Variants in CASQ1 observed in about 807,000 individuals in gnomAD.
CASQ1 encodes calsequestrin-1.
In CASQ1, 40 loss-of-function variants were observed where a neutral mutation model predicts 49.5. The observed-to-expected ratio is 0.81, with a 90% CI of 0.63 to 1.05. The LOEUF is 1.05. CASQ1 is among the 50% of genes least tolerant of loss of function. The probability of loss-of-function intolerance (pLI) is 0.00; values close to 1 mark genes in which losing one functional copy is unlikely to be tolerated. For missense variants in CASQ1, 469 were observed against 486.9 expected, an observed-to-expected ratio of 0.96 and a Z score of 0.35; for synonymous variants, 174 against 187.2, an observed-to-expected ratio of 0.93 and a Z score of 0.58.
intron 7 of CASQ1, 103 bp downstream of exon 7, chr1:160,197,717 G>A: frequency 1.2e-6 from 1 of 833,550 alleles, no homozygotes; most frequent in Non-Finnish European, 2.1e-6. Flanking sequence ...CCCATTTTTA[G>A]AAAAAACAGT....
At position 160,190,748 on chromosome 1, in the gene CASQ1, CT is replaced by C; in HGVS notation, c.-3del. On this transcript the variant is annotated 5_prime_UTR_variant, in exon 1 of 11. Transcript: ENST00000368078. The stretch of plus-strand genomic sequence containing the variant: ...GGAGAGCCAACCCAGATCCCACTAC[CT>C]CCATGAGTGCTACAGACAGGATGGG... 6.2e-7 allele frequency: 1 copy of C among 1,612,724 alleles called. No individual in the cohort carries two copies. Among genetic ancestry groups the C allele is most frequent in the Non-Finnish European group, 8.5e-7 (1 of 1,178,970 alleles).
rs1423786832 is a variant in CASQ1, at chr1:160,201,685, A to G, written c.*309A>G. 9.6e-6 allele frequency: 4 copies of G among 418,128 alleles called. No individual in the cohort carries two copies. The highest frequency in any genetic ancestry group is 1.8e-5 in the Non-Finnish European group (4 of 224,524). The allele number at this position is 418,128 out of a possible 1,614,324, so 25.9% of individuals were successfully genotyped here. A position where few individuals can be genotyped will look rare whatever the true frequency, so the allele number is the denominator to read the frequency against. On this transcript the variant is annotated 3_prime_UTR_variant, in exon 11 of 11. Transcript: ENST00000368078. ...TCTTGTGATTCTCCTCTAGCCATAT[A>G]TATGGGCCCCATCTCTGTTCTGTTC...
At chr1:160,196,076 T>C in intron 6 of CASQ1, 49 bp downstream of exon 6, 1 of 1,589,950 alleles carries the variant, frequency 6.3e-7, no homozygotes, top group Non-Finnish European at 8.6e-7. Context: ...CTCCTTGGGC[T>C]AGAACACACT....
intron 1 of CASQ1, 100 bp downstream of exon 1, chr1:160,191,130 T>A: frequency 7.7e-7 from 1 of 1,294,548 alleles, no homozygotes; most frequent in Non-Finnish European, 1.1e-6. Flanking sequence ...GATCTGGGGG[T>A]GAGGGGCAGT....
chr1:160,198,738 G>A lies in CASQ1; in HGVS notation c.883+7G>A, dbSNP rs1178296781. 1 of 1,612,594 alleles carries A rather than the reference G, an allele frequency of 6.2e-7. No individual in the cohort carries two copies. Among genetic ancestry groups the A allele is most frequent in the Non-Finnish European group, 8.5e-7 (1 of 1,178,612 alleles). On this transcript the variant is annotated splice_region_variant and intron_variant, in intron 8 of 10. Transcript: ENST00000368078. ...GCAGAGGAAGCTGATCCTGGTGAGG[G>A]AGGAATACCGGGTTGGACTGGAGGG... is the stretch of plus-strand genomic sequence containing the variant.
At chr1:160,198,881 C>T (rs1305415843) in intron 8 of CASQ1, 72 bp from the exon 9 acceptor site, 2 of 1,165,664 alleles carry the variant, frequency 1.7e-6, no homozygotes, top group Non-Finnish European at 2.6e-6. Context: ...GGAGGTAGCT[C>T]TGCACTCCTG....
chr1:160,195,006 T>A lies in CASQ1; in HGVS notation c.466-6T>A. 3 of 1,565,212 alleles carry A rather than the reference T, an allele frequency of 1.9e-6. No individual in the cohort carries two copies. The highest frequency in any genetic ancestry group is 2.6e-6 in the Non-Finnish European group (3 of 1,145,720). Reference sequence around the variant, plus strand: ...ACTCTCTTCCTGCAATGTCCTCCTCTTTCAGGTCCTAGAGGACCCTGTGGA... The same window carrying A: ...ACTCTCTTCCTGCAATGTCCTCCTCATTCAGGTCCTAGAGGACCCTGTGGA... On this transcript the variant is annotated splice_polypyrimidine_tract_variant and splice_region_variant and intron_variant, in intron 3 of 10. Coordinates refer to ENST00000368078, the MANE Select transcript of CASQ1 (RefSeq NM_001231.5).
intron 9 of CASQ1, 103 bp from the exon 10 acceptor site, chr1:160,199,748 G>A (rs772251251): frequency 7.9e-5 from 61 of 775,016 alleles, no homozygotes; most frequent in African/African-American, 4.6e-4. Flanking sequence ...CTGCCAGTTC[G>A]CACTGTCCCC....
At chr1:160,193,596 G>A in intron 2 of CASQ1, 151 bp from the exon 3 acceptor site, 1 of 572,676 alleles carries the variant, frequency 1.7e-6, no homozygotes, top group South Asian at 2.2e-5. Flanking sequence ...TGGGTCAGAG[G>A]AGGTGGGTGG....
intron 6 of CASQ1, 135 bp from the exon 7 acceptor site, chr1:160,197,434 G>T: frequency 1.3e-5 from 9 of 681,856 alleles, no homozygotes; most frequent in Non-Finnish European, 1.9e-5. Flanking sequence ...TTGAGGCCTT[G>T]CCAGATGGCT....
chr1:160,201,269 G>C lies in CASQ1; in HGVS notation c.1084G>C (p.Asp362His), dbSNP rs1654363806. Residue 362 changes from aspartate (D) to histidine (H), a missense_variant, in exon 11 of 11, where the codon GAC (aspartate) becomes CAC (histidine). Coordinates refer to ENST00000368078, the MANE Select transcript of CASQ1 (RefSeq NM_001231.5). ...GGCGGATAGCGTATGGATGGAAATG[G>C]ACGATGAGGAGGACCTGCCTTCTGC... ...TDADSVWMEM[D>H]DEEDLPSAEE... The C allele has an allele frequency of 6.2e-6, 10 of 1,613,396 alleles. No individual in the cohort carries two copies. Among genetic ancestry groups the C allele is most frequent in the Non-Finnish European group, 7.6e-6 (9 of 1,179,778 alleles).
intron 7 of CASQ1, among the ~76,000 whole-genome samples, 176 bp downstream of exon 7, chr1:160,197,790 G>T (rs920937668): frequency 6.6e-6 from 1 of 151,456 alleles, no homozygotes; most frequent in Non-Finnish European, 1.5e-5. Flanking sequence ...AGGCCAAGGT[G>T]GGTGGATCAC....
chr1:160,194,606 C>G (rs1435050078), intron 3 of CASQ1, among the ~76,000 whole-genome samples: 1 of 135,618 alleles, frequency 7.4e-6, no homozygotes, highest in Non-Finnish European at 1.6e-5. Flanking sequence ...CATGCACACA[C>G]CACATGCACA....
intron 7 of CASQ1, among the ~76,000 whole-genome samples, 160 bp from the exon 8 acceptor site, chr1:160,198,517 A>G (rs1292886356): frequency 6.6e-6 from 1 of 152,108 alleles, no homozygotes; most frequent in Non-Finnish European, 1.5e-5. Context: ...AACAAAAAAA[A>G]ACAAACCCCA....
chr1:160,197,449 T>C, intron 6 of CASQ1, 120 bp from the exon 7 acceptor site: 1 of 756,414 alleles, frequency 1.3e-6, no homozygotes, highest in Non-Finnish European at 2.4e-6. Context: ...ATGGCTTTGT[T>C]GTAGGCTACA....
chr1:160,195,459 A>C lies in CASQ1; in HGVS notation c.578-2A>C. 6.2e-7 allele frequency: 1 copy of C among 1,613,848 alleles called. No individual in the cohort carries two copies. The highest frequency in any genetic ancestry group is 8.5e-7 in the Non-Finnish European group (1 of 1,179,800). ...AGACTGACTCTGCATTCCACCCCCC[A>C]GATTACAAAGCCTTCGAGGATGCAG... On this transcript the variant is annotated splice_acceptor_variant, in intron 4 of 10. Coordinates refer to ENST00000368078, the MANE Select transcript of CASQ1 (RefSeq NM_001231.5). LOFTEE classifies it high-confidence loss of function.
chr1:160,194,605 A>G (rs111068261), intron 3 of CASQ1, among the ~76,000 whole-genome samples: 1 of 136,600 alleles, frequency 7.3e-6, no homozygotes, highest in Admixed American at 7.6e-5. Flanking sequence ...ACATGCACAC[A>G]CCACATGCAC....
At chr1:160,196,867 G>GGT (rs1288579703) in intron 6 of CASQ1, among the ~76,000 whole-genome samples, 4 of 152,184 alleles carry the variant, frequency 2.6e-5, no homozygotes, top group Admixed American at 2.6e-4. Flanking sequence ...GCCCTCCAAA[G>GGT]GATGTTTGGC....
chr1:160,196,449 C>A (rs1654237570), intron 6 of CASQ1, among the ~76,000 whole-genome samples: 1 of 151,732 alleles, frequency 6.6e-6, no homozygotes, highest in South Asian at 2.1e-4. Flanking sequence ...CTGATGTGTC[C>A]CATGTTTGTT....
Sources: allele counts gnomAD v4.1 joint callset (sites outside exome capture counted in the v4.1 genomes callset), GRCh38; gene constraint gnomAD v4.1.1; transcripts MANE v1.5; gene names NCBI Gene and HGNC (gene_info 2026-07-23, HGNC 2026-07-21).